Variants in ADAMTSL1 observed in about 807,000 individuals in gnomAD.
ADAMTSL1 encodes ADAMTS like 1.
Under a neutral mutation model 201.8 loss-of-function variants are expected in ADAMTSL1, and 126 were observed. That is an observed-to-expected ratio of 0.62 (90% CI 0.54 to 0.72). The LOEUF (loss-of-function observed/expected upper bound fraction) is 0.72, where lower values mean the gene tolerates loss of function less well. Ranked by LOEUF, ADAMTSL1 falls within the 30% of genes least tolerant of loss-of-function variation. The probability of loss-of-function intolerance (pLI) is 0.00; values close to 1 mark genes in which losing one functional copy is unlikely to be tolerated. For synonymous variants in ADAMTSL1, 1,121 were observed against 903.4 expected, an observed-to-expected ratio of 1.24 and a Z score of -4.32; for missense variants, 2,679 against 2,277.8, an observed-to-expected ratio of 1.18 and a Z score of -3.59.
At chr9:18,272,701 C>T (rs1404351366) in intron 2 of ADAMTSL1, among the ~76,000 whole-genome samples, 1 of 152,148 alleles carries the variant, frequency 6.6e-6, no homozygotes, top group Non-Finnish European at 1.5e-5. Context: ...CCTACCACTT[C>T]ACAGAAAAAT....
chr9:18,173,011 T>A (rs565087241), intron 2 of ADAMTSL1, among the ~76,000 whole-genome samples: 1 of 152,138 alleles, frequency 6.6e-6, no homozygotes, highest in Non-Finnish European at 1.5e-5. Context: ...TGGGTTGGGA[T>A]GCTATGCATA....
rs556085560 is a variant in ADAMTSL1 at position 18,183,976 on chromosome 9, T to C, written c.207+19995T>C. Among the ~76,000 whole-genome samples, 4 of 152,320 alleles carry C rather than the reference T, an allele frequency of 2.6e-5. No individual in the cohort carries two copies. In the South Asian group the frequency reaches 6.2e-4, roughly 24 times the overall value. On this transcript the variant is annotated intron_variant, in intron 2 of 29. Transcript: ENST00000680146. ...TAATTTAAATCTGAGACATTGTTTT[T>C]CAGATAGGGTTTGGTCATAGAATAA...
At chr9:18,634,921 TTAAA>T (rs1262589207) in intron 5 of ADAMTSL1, among the ~76,000 whole-genome samples, 2 of 106,374 alleles carry the variant, frequency 1.9e-5, no homozygotes, top group Non-Finnish European at 4.2e-5. Flanking sequence ...TATATATATA[TTAAA>T]TAAAAAAGAT....
intron 1 of ADAMTSL1, among the ~76,000 whole-genome samples, chr9:17,920,138 G>T (rs1171421371): frequency 6.6e-6 from 1 of 152,122 alleles, no homozygotes; most frequent in Non-Finnish European, 1.5e-5. Flanking sequence ...TTGATTGAAA[G>T]AAAAGTTCTT....
chr9:17,996,094 T>C (rs1435693601), intron 1 of ADAMTSL1, among the ~76,000 whole-genome samples: 1 of 152,200 alleles, frequency 6.6e-6, no homozygotes, highest in East Asian at 1.9e-4. Context: ...TTCCCTGTCT[T>C]GTGGATAAAC....
chr9:18,124,627 A>T (rs1325717012), intron 1 of ADAMTSL1, among the ~76,000 whole-genome samples: 2 of 152,130 alleles, frequency 1.3e-5, no homozygotes, highest in Non-Finnish European at 2.9e-5. Context: ...TGATATAGTG[A>T]GTATATAAAA....
intron 9 of ADAMTSL1, among the ~76,000 whole-genome samples, chr9:18,663,825 C>G (rs1348482213): frequency 2.6e-5 from 4 of 152,106 alleles, no homozygotes; most frequent in Non-Finnish European, 5.9e-5. Flanking sequence ...TTTACTCAAT[C>G]TTTCTTGCCT....
intron 2 of ADAMTSL1, among the ~76,000 whole-genome samples, chr9:18,337,573 A>G (rs1418843155): frequency 2.0e-5 from 3 of 152,204 alleles, no homozygotes; most frequent in Non-Finnish European, 2.9e-5. Flanking sequence ...GAAATTATAT[A>G]GTTAACCCAG....
chr9:18,083,028 T>C lies in ADAMTSL1; in HGVS notation c.88-80834T>C, dbSNP rs1240253544. Among the ~76,000 whole-genome samples, 4 of 152,132 alleles carry C rather than the reference T, an allele frequency of 2.6e-5. No homozygotes were observed. The South Asian group carries it at 6.2e-4, about 24-fold the overall frequency. Reference sequence around the variant, plus strand: ...TTTGCAAAATATCATTAGATAAGGATTGAATAAGTGGAAAAATTAAAAGTG... The same window carrying C: ...TTTGCAAAATATCATTAGATAAGGACTGAATAAGTGGAAAAATTAAAAGTG... On this transcript the variant is annotated intron_variant, in intron 1 of 29. Coordinates refer to the ADAMTSL1 transcript ENST00000680146.
At chr9:18,890,296 A>AT (rs1829164601) in intron 25 of ADAMTSL1, among the ~76,000 whole-genome samples, 1 of 152,170 alleles carries the variant, frequency 6.6e-6, no homozygotes, top group Admixed American at 6.5e-5. Context: ...CATGCTCTGC[A>AT]TTTGGGTCCC....
At chr9:18,878,199 C>G (rs149373792) in intron 23 of ADAMTSL1, among the ~76,000 whole-genome samples, 1 of 152,322 alleles carries the variant, frequency 6.6e-6, no homozygotes, top group Non-Finnish European at 1.5e-5. Context: ...TACAAGCCTC[C>G]CAGCTGAGAA....
At chr9:18,434,434 G>C (rs1036337756) in intron 2 of ADAMTSL1, among the ~76,000 whole-genome samples, 1 of 152,132 alleles carries the variant, frequency 6.6e-6, no homozygotes, top group East Asian at 1.9e-4. Context: ...ACACTCTGTA[G>C]TAAAGAACAA....
intron 1 of ADAMTSL1, among the ~76,000 whole-genome samples, chr9:18,043,123 T>A (rs944519051): frequency 3.3e-5 from 5 of 152,162 alleles, no homozygotes; most frequent in African/African-American, 1.2e-4. Context: ...ACTTGCCACA[T>A]GTCACAATTA....
intron 7 of ADAMTSL1, among the ~76,000 whole-genome samples, chr9:18,639,932 G>T (rs1827339918): frequency 6.6e-6 from 1 of 152,104 alleles, no homozygotes; most frequent in Non-Finnish European, 1.5e-5. Flanking sequence ...TGCACATTCT[G>T]CTGGAAAAGT....
chr9:18,034,556 A>G (rs1386026699), intron 1 of ADAMTSL1, among the ~76,000 whole-genome samples: 3 of 152,058 alleles, frequency 2.0e-5, no homozygotes, highest in African/African-American at 4.8e-5. Context: ...CTTGACTTCT[A>G]TATTTTTGGT....
chr9:18,718,611 T>C lies in ADAMTSL1; in HGVS notation c.1877-2925T>C, dbSNP rs1170919558. On this transcript the variant is annotated intron_variant, in intron 14 of 28. Coordinates refer to ENST00000380548, the MANE Select transcript of ADAMTSL1 (RefSeq NM_001040272.6). ...TGTCACTCCCTCCGGGTTGCTACTC[T>C]CGGCACCACAGCAGTCCTGCCGCTG... The C allele has an allele frequency of 1.0e-5, 4 of 382,958 alleles. No homozygotes were observed. In the East Asian group the frequency reaches 2.0e-4, roughly 20 times the overall value. 23.7% of individuals were successfully genotyped at this position (382,958 alleles called of 1,614,324 possible). A position where few individuals can be genotyped will look rare whatever the true frequency, so the allele number is the denominator to read the frequency against.
At chr9:18,223,837 C>A (rs1830347821) in intron 2 of ADAMTSL1, among the ~76,000 whole-genome samples, 1 of 151,716 alleles carries the variant, frequency 6.6e-6, no homozygotes, top group South Asian at 2.1e-4. Flanking sequence ...AATACATTTT[C>A]TTTTGAACTT....
intron 1 of ADAMTSL1, among the ~76,000 whole-genome samples, chr9:18,105,954 C>G (rs963337730): frequency 6.6e-6 from 1 of 152,170 alleles, no homozygotes; most frequent in African/African-American, 2.4e-5. Context: ...CAGTTGGATG[C>G]TCAGTTCTGC....
At chr9:18,541,636 T>C (rs1439281365) in intron 3 of ADAMTSL1, among the ~76,000 whole-genome samples, 1 of 152,172 alleles carries the variant, frequency 6.6e-6, no homozygotes, top group Non-Finnish European at 1.5e-5. Flanking sequence ...AGAAAGAACA[T>C]GGGCCCTCTT....
Sources: allele counts gnomAD v4.1 joint callset (sites outside exome capture counted in the v4.1 genomes callset), GRCh38; gene constraint gnomAD v4.1.1; transcripts MANE v1.5; gene names NCBI Gene and HGNC (gene_info 2026-07-23, HGNC 2026-07-21).